Variants in UCK2 observed in about 807,000 individuals in gnomAD.
UCK2 encodes cytidine monophosphokinase 2.
In UCK2, 6 loss-of-function variants were observed where a neutral mutation model predicts 30.8. The ratio of observed to expected loss-of-function variants is 0.19; its 90% CI spans 0.11 to 0.38. The LOEUF (loss-of-function observed/expected upper bound fraction) is 0.38, where lower values mean the gene tolerates loss of function less well. UCK2 is among the 10% of genes least tolerant of loss of function. The probability of loss-of-function intolerance (pLI) is 1.00; values close to 1 mark genes in which losing one functional copy is unlikely to be tolerated. For missense variants in UCK2, 210 were observed against 339.8 expected (o/e 0.62, Z 3.00); for synonymous variants, 125 against 133.6 (o/e 0.94, Z 0.45).
chr1:165,904,775 A>G (rs531641456), intron 5 of UCK2, among the ~76,000 whole-genome samples: 3 of 152,320 alleles, frequency 2.0e-5, no homozygotes, highest in South Asian at 4.1e-4. Flanking sequence ...TAAGATGCCC[A>G]CATGCTTGAG....
At chr1:165,854,254 A>G (rs1385109529) in intron 1 of UCK2, among the ~76,000 whole-genome samples, 2 of 152,200 alleles carry the variant, frequency 1.3e-5, no homozygotes, top group African/African-American at 4.8e-5. Context: ...ACTGTCTGGG[A>G]GTTGGAAACC....
intron 1 of UCK2, among the ~76,000 whole-genome samples, chr1:165,870,817 C>A (rs558517265): frequency 6.6e-6 from 1 of 152,252 alleles, no homozygotes; most frequent in East Asian, 1.9e-4. Context: ...ACAAAAATTC[C>A]TTGTTAGTCT....
At chr1:165,833,584 A>G (rs1654110892) in intron 1 of UCK2, among the ~76,000 whole-genome samples, 1 of 152,112 alleles carries the variant, frequency 6.6e-6, no homozygotes, top group Non-Finnish European at 1.5e-5. Context: ...GTGGTCACCT[A>G]CCAGTTCACT....
intron 1 of UCK2, among the ~76,000 whole-genome samples, chr1:165,876,623 A>G (rs1295151408): frequency 6.6e-6 from 1 of 152,256 alleles, no homozygotes; most frequent in African/African-American, 2.4e-5. Flanking sequence ...AAGAAATTCA[A>G]TATACCCATT....
chr1:165,882,622 G>T (rs1008726942), intron 1 of UCK2, among the ~76,000 whole-genome samples: 1 of 152,156 alleles, frequency 6.6e-6, no homozygotes, highest in Non-Finnish European at 1.5e-5. Flanking sequence ...GGATGCAACT[G>T]GTTGCTGAAT....
intron 1 of UCK2, among the ~76,000 whole-genome samples, chr1:165,856,832 T>C (rs905524624): frequency 1.3e-5 from 2 of 151,870 alleles, no homozygotes; most frequent in South Asian, 2.1e-4. Context: ...AGATGTCAAC[T>C]GGGACAAGTA....
chr1:165,833,646 G>A (rs1045271624), intron 1 of UCK2, among the ~76,000 whole-genome samples: 1 of 152,102 alleles, frequency 6.6e-6, no homozygotes, highest in Admixed American at 6.5e-5. Flanking sequence ...CTTTTATGAG[G>A]TTCTGTGATG....
intron 1 of UCK2, among the ~76,000 whole-genome samples, chr1:165,877,490 C>T (rs780598452): frequency 5.9e-5 from 9 of 152,174 alleles, no homozygotes; most frequent in Non-Finnish European, 1.3e-4. Context: ...ACTAATCGTT[C>T]CACAATTTTA....
chr1:165,890,878 T>G (rs1290333306), intron 2 of UCK2: 1 of 286,860 alleles, frequency 3.5e-6, no homozygotes, highest in African/African-American at 2.2e-5. Flanking sequence ...GCCTATTGTG[T>G]GTACTCCCCC....
intron 1 of UCK2, among the ~76,000 whole-genome samples, chr1:165,867,330 G>A (rs1655072046): frequency 2.0e-5 from 3 of 152,280 alleles, no homozygotes; most frequent in East Asian, 3.9e-4. Context: ...AGTTTGCCAC[G>A]TTGATTGACT....
chr1:165,889,070 A>G (rs1232117279), intron 1 of UCK2, among the ~76,000 whole-genome samples: 2 of 152,154 alleles, frequency 1.3e-5, no homozygotes, highest in Non-Finnish European at 2.9e-5. Flanking sequence ...CAAAGCATGT[A>G]GGTTTGAGTT....
intron 1 of UCK2, among the ~76,000 whole-genome samples, chr1:165,835,502 C>T (rs1654165636): frequency 6.6e-6 from 1 of 151,922 alleles, no homozygotes; most frequent in African/African-American, 2.4e-5. Context: ...TACTGGGCCC[C>T]ATCACATATT....
intron 1 of UCK2, among the ~76,000 whole-genome samples, chr1:165,882,787 G>C (rs1051724483): frequency 1.3e-5 from 2 of 152,074 alleles, no homozygotes; most frequent in African/African-American, 4.8e-5. Flanking sequence ...GCATTTCAGC[G>C]TGTGAATTTT....
intron 1 of UCK2, among the ~76,000 whole-genome samples, chr1:165,841,201 G>A (rs1408259242): frequency 6.9e-6 from 1 of 144,444 alleles, no homozygotes; most frequent in Non-Finnish European, 1.5e-5. Context: ...TTTTTTTTTT[G>A]AGATGGAGTT....
rs1306941994 is a variant in UCK2, at chr1:165,911,083, G to A, written c.*3260G>A. 2 of 152,228 alleles carry A rather than the reference G, an allele frequency of 1.3e-5. No homozygotes were observed. The highest frequency in any genetic ancestry group is 2.9e-5 in the Non-Finnish European group (2 of 68,094). 9.4% of individuals were successfully genotyped at this position (152,228 alleles called of 1,614,324 possible). A position where few individuals can be genotyped will look rare whatever the true frequency, so the allele number is the denominator to read the frequency against. On this transcript the variant is annotated 3_prime_UTR_variant, in exon 7 of 7. Coordinates refer to ENST00000367879, the MANE Select transcript of UCK2 (RefSeq NM_012474.5). ...AGCTGTTGGAGGGAAGTAGCCTCTT[G>A]CAGGGAAATATTTTCCCCTGCCCTG...
intron 1 of UCK2, among the ~76,000 whole-genome samples, chr1:165,860,446 TGAGACAG>T (rs1266312042): frequency 6.6e-6 from 1 of 152,138 alleles, no homozygotes. Context: ...CTTTTTTTTT[TGAGACAG>T]GGTCTCACTT....
At chr1:165,886,107 A>G (rs989680617) in intron 1 of UCK2, among the ~76,000 whole-genome samples, 2 of 152,042 alleles carry the variant, frequency 1.3e-5, no homozygotes, top group African/African-American at 2.4e-5. Context: ...TTGACTTTGC[A>G]TAGTGCATTT....
At chr1:165,882,439 A>C (rs1253819023) in intron 1 of UCK2, among the ~76,000 whole-genome samples, 1 of 152,216 alleles carries the variant, frequency 6.6e-6, no homozygotes, top group African/African-American at 2.4e-5. Flanking sequence ...AACAGGGTTT[A>C]AAGATAGTGT....
intron 1 of UCK2, among the ~76,000 whole-genome samples, chr1:165,854,929 G>C (rs1420128717): frequency 1.3e-5 from 2 of 151,992 alleles, no homozygotes; most frequent in Non-Finnish European, 2.9e-5. Context: ...AATTTAACTG[G>C]GTTTGAATAA....
Sources: gnomAD v4.1 joint callset for allele counts (sites outside exome capture counted in the v4.1 genomes callset) on GRCh38, gnomAD v4.1.1 for gene constraint, MANE v1.5 for transcripts, NCBI Gene and HGNC (gene_info 2026-07-23, HGNC 2026-07-21) for gene names.